KCNH2: variants seen among roughly 807,000 people sequenced by gnomAD.
KCNH2 encodes voltage-gated inwardly rectifying potassium channel KCNH2.
Under a neutral mutation model 95.9 loss-of-function variants are expected in KCNH2, and 35 were observed. The ratio of observed to expected loss-of-function variants is 0.37; its 90% confidence interval spans 0.28 to 0.48. The LOEUF is 0.48. Ranked by LOEUF, KCNH2 falls within the 20% of genes least tolerant of loss-of-function variation. The pLI, the probability that KCNH2 is intolerant of heterozygous loss-of-function variation, is 0.99. For synonymous variants in KCNH2, 786 were observed against 754.7 expected (o/e 1.04, Z -0.68); for missense variants, 1,274 against 1,702.9 (o/e 0.75, Z 4.43).
intron 5 of KCNH2, among the ~76,000 whole-genome samples, chr7:150,956,311 C>T (rs1298844980): frequency 6.6e-6 from 1 of 152,162 alleles, no homozygotes; most frequent in Non-Finnish European, 1.5e-5. Flanking sequence ...GGCTGGAGAC[C>T]TGGCAGGGAC....
chr7:150,968,851 G>A (rs757141503), intron 2 of KCNH2, among the ~76,000 whole-genome samples: 7 of 152,168 alleles, frequency 4.6e-5, no homozygotes, highest in East Asian at 1.9e-4. Flanking sequence ...CATTTCCCAC[G>A]ATTGCAACAG....
At chr7:150,960,864 C>T (rs542890341) in intron 2 of KCNH2, among the ~76,000 whole-genome samples, 14 of 149,388 alleles carry the variant, frequency 9.4e-5, no homozygotes, top group South Asian at 4.3e-4. Flanking sequence ...GCTGCCCCAC[C>T]GCCCCCCGCC....
chr7:150,953,637 G>A (rs949172239), intron 5 of KCNH2, among the ~76,000 whole-genome samples: 3 of 152,192 alleles, frequency 2.0e-5, no homozygotes, highest in African/African-American at 7.2e-5. Context: ...GAGGCAGGCT[G>A]GCCATCCGGA....
chr7:150,948,420 CCTTCCTCCCCT>C lies in KCNH2; in HGVS notation c.2692+13_2692+23del. 3.7e-6 allele frequency: 5 copies of C among 1,334,574 alleles called. No homozygotes were observed. The highest frequency in any genetic ancestry group is 4.2e-6 in the Non-Finnish European group (4 of 942,698). The allele number at this position is 1,334,574 out of a possible 1,614,324, so 82.7% of individuals were successfully genotyped here. On this transcript the variant is annotated intron_variant, in intron 11 of 14. Coordinates refer to ENST00000262186, the MANE Select transcript of KCNH2 (RefSeq NM_000238.4). Reference sequence around the variant, plus strand: ...AGCCTCACCTTGTCCCCGCCCTCCCCCTTCCTCCCCTCCCCCGCCTCACCCTTGTCCGTGCG... The same window carrying C: ...AGCCTCACCTTGTCCCCGCCCTCCCCCCCCCGCCTCACCCTTGTCCGTGCG...
Position 150,945,557 on chromosome 7 carries a change from G to T in KCNH2, c.3331-43C>A. The T allele has an allele frequency of 6.5e-7, 1 of 1,549,802 alleles. No individual in the cohort carries two copies. Among genetic ancestry groups the T allele is most frequent in the East Asian group, 2.4e-5 (1 of 41,206 alleles). On this transcript the variant is annotated intron_variant, in intron 14 of 14. Coordinates refer to ENST00000262186, the MANE Select transcript of KCNH2 (RefSeq NM_000238.4). The surrounding 1 kb of genome is among the most constrained non-coding windows in gnomAD (Gnocchi z 5.6). ...CATGGGCAGGCGAAGAGGCCATGGA[G>T]GAGGAGGAAGGGGAGGGAAAGGGGC...
rs755252767 is a variant in KCNH2, at chr7:150,950,373, G to A, written c.2193C>T (p.His731=). 9 of 1,612,518 alleles carry A rather than the reference G, an allele frequency of 5.6e-6. No individual in the cohort carries two copies. The highest frequency in any genetic ancestry group is 3.3e-5 in the Admixed American group (2 of 60,004). ...AGTGCTGCAGCAGTGAGCGGTTCAG[G>A]TGCAGGCAGATGTCAGCCTGCAGGC... The part of the protein sequence containing the change: ...PECLQADICL[H]LNRSLLQHCK... The change falls in exon 9 of 15, where the codon CAC becomes CAT. Residue 731 remains histidine (H), a synonymous_variant. Coordinates refer to ENST00000262186, the MANE Select transcript of KCNH2 (RefSeq NM_000238.4).
At chr7:150,949,927 T>TTGTGGCGGATCCTGAAGGGAAGGAGAA (rs1801069007) in intron 9 of KCNH2, 1 of 1,516,646 alleles carries the variant, frequency 6.6e-7, no homozygotes. Context: ...AAGTGTCTGT[T>TTGTGGCGGATCCTGAAGGGAAGGAGAA]TGTGGCGGAT....
In KCNH2 at chr7:150,950,954, G is replaced by A; in HGVS notation, c.2112C>T (p.Ala704=). ...TGTCGATGCCGTTGGTGTAGGACCA[G>A]GCGTGCTGGAAGTACTCCTCGAGGC... The part of the protein sequence containing the change: ...RQRLEEYFQH[A]WSYTNGIDMN... The change falls in exon 8 of 15, where the codon GCC becomes GCT. Residue 704 remains alanine (A), a synonymous_variant. Transcript: ENST00000262186. 1.9e-6 allele frequency: 3 copies of A among 1,614,246 alleles called. No homozygotes were observed. The highest frequency in any genetic ancestry group is 2.5e-6 in the Non-Finnish European group (3 of 1,180,036).
intron 9 of KCNH2, chr7:150,949,307 C>T: frequency 7.2e-7 from 1 of 1,385,122 alleles, no homozygotes; most frequent in Non-Finnish European, 9.4e-7. Flanking sequence ...AGGACTACCC[C>T]AAACCCCAGG....
In KCNH2 at chr7:150,978,103, G is replaced by C; in HGVS notation, c.-190C>G. ...CTCCCGGCTCCCCGCTCCGGACCCCGGGCCCGGCCTGGAGCCGCCTGAGCG... is the reference window on the plus strand; with the variant it reads ...CTCCCGGCTCCCCGCTCCGGACCCCCGGCCCGGCCTGGAGCCGCCTGAGCG... On this transcript the variant is annotated 5_prime_UTR_variant, in exon 1 of 15. Coordinates refer to ENST00000262186, the MANE Select transcript of KCNH2 (RefSeq NM_000238.4). 5.7e-6 allele frequency: 1 copy of C among 175,770 alleles called. No individual in the cohort carries two copies. The highest frequency in any genetic ancestry group is 1.2e-5 in the Non-Finnish European group (1 of 85,392). The allele number at this position is 175,770 out of a possible 1,614,324, so 10.9% of individuals were successfully genotyped here.
At chr7:150,971,324 G>T in intron 2 of KCNH2, among the ~76,000 whole-genome samples, 1 of 152,170 alleles carries the variant, frequency 6.6e-6, no homozygotes, top group Non-Finnish European at 1.5e-5. Context: ...TGGGCACAGT[G>T]CACTGGGGAG....
At chr7:150,966,920 T>C (rs937361133) in intron 2 of KCNH2, among the ~76,000 whole-genome samples, 2 of 152,170 alleles carry the variant, frequency 1.3e-5, no homozygotes, top group Non-Finnish European at 2.9e-5. Context: ...ACCAAACTAA[T>C]TCCAATCAAG....
At chr7:150,951,222 C>G (rs1039561682) in intron 7 of KCNH2, 102 bp from the exon 8 acceptor site, 1 of 1,106,668 alleles carries the variant, frequency 9.0e-7, no homozygotes, top group Non-Finnish European at 1.3e-6. Flanking sequence ...TCAGTCTCAG[C>G]GTCGACATGC....
Position 150,946,850 on chromosome 7 carries a change from C to T in KCNH2, c.3330+27G>A, listed in dbSNP as rs1263550894. 2 of 1,588,536 alleles carry T rather than the reference C, an allele frequency of 1.3e-6. No homozygotes were observed. Among genetic ancestry groups the T allele is most frequent in the African/African-American group, 1.3e-5 (1 of 74,568 alleles). ...ATCGGGGAACAAGCGGGTCACGGTA[C>T]ATCGAGGAAGCAGGGCTGGAGCTTA... On this transcript the variant is annotated intron_variant, in intron 14 of 14. Transcript: ENST00000262186. The surrounding 1 kb of genome is among the most constrained non-coding windows in gnomAD (Gnocchi z 6.5).
intron 5 of KCNH2, chr7:150,955,881 C>T: frequency 2.0e-6 from 2 of 997,106 alleles, no homozygotes; most frequent in South Asian, 9.3e-5. Flanking sequence ...GCTCCCCCGC[C>T]CCGCCGGTGC....
intron 5 of KCNH2, chr7:150,955,327 C>T: frequency 6.9e-7 from 1 of 1,452,442 alleles, no homozygotes; most frequent in African/African-American, 1.4e-5. Context: ...GGAGTCAGAG[C>T]CCTTGGGCCA....
In KCNH2 at chr7:150,962,627, C is replaced by CAGAGAGAG. The variant is rs41307331; in HGVS notation, c.308-2899_308-2892dup. 0.034 allele frequency among the ~76,000 whole-genome samples: 4,989 copies of CAGAGAGAG among 146,278 alleles called. 263 individuals carry two copies. The highest frequency in any genetic ancestry group is 0.11 in the African/African-American group (4,476 of 39,262). On this transcript the variant is annotated intron_variant, in intron 2 of 14. Transcript: ENST00000262186. The surrounding 1 kb of genome is among the most constrained non-coding windows in gnomAD (Gnocchi z 5.7). Reference sequence around the variant, plus strand: ...CACACTTACACACACACACGAGAGACAGAGAGAGAGAGAGAGAGAGAGAGA... The same window carrying CAGAGAGAG: ...CACACTTACACACACACACGAGAGACAGAGAGAGAGAGAGAGAGAGAGAGAGAGAGAGA...
chr7:150,966,373 T>C (rs1801702154), intron 2 of KCNH2, among the ~76,000 whole-genome samples: 1 of 57,728 alleles, frequency 1.7e-5, no homozygotes, highest in Non-Finnish European at 3.3e-5. Flanking sequence ...CCTCATTGAT[T>C]TGCCCCCTCC....
intron 2 of KCNH2, among the ~76,000 whole-genome samples, chr7:150,968,135 G>A (rs1282980843): frequency 1.3e-5 from 2 of 152,232 alleles, no homozygotes; most frequent in Non-Finnish European, 2.9e-5. Context: ...AATGTCGAGA[G>A]TGGCCAAGAT....
Sources: allele counts gnomAD v4.1 joint callset (sites outside exome capture counted in the v4.1 genomes callset), GRCh38; gene constraint gnomAD v4.1.1; non-coding constraint Gnocchi (gnomAD v3.1); transcripts MANE v1.5; gene names NCBI Gene and HGNC (gene_info 2026-07-23, HGNC 2026-07-21).